SOHLH1: variants seen among roughly 807,000 people sequenced by gnomAD.
SOHLH1 encodes the protein spermatogenesis and oogenesis specific basic helix-loop-helix 1, also known as spermatogenesis- and oogenesis-specific basic helix-loop-helix-containing protein 1.
Under a neutral mutation model 36.2 loss-of-function variants are expected in SOHLH1, and 23 were observed. The ratio of observed to expected loss-of-function variants is 0.64; its 90% CI spans 0.46 to 0.90. SOHLH1 has a LOEUF of 0.90. SOHLH1 is among the 40% of genes least tolerant of loss of function. The pLI, the probability that SOHLH1 is intolerant of heterozygous loss-of-function variation, is 0.00. For synonymous variants in SOHLH1, 289 were observed against 228.3 expected (o/e 1.27, Z -2.40); for missense variants, 608 against 517.0 (o/e 1.18, Z -1.71).
upstream of SOHLH1, among the ~76,000 whole-genome samples, chr9:135,701,087 G>T (rs76204817): frequency 9.6e-3 from 1,465 of 152,368 alleles, 9 homozygotes; most frequent in Middle Eastern, 0.02. Flanking sequence ...CCGCCCAGGG[G>T]TGGTGGGACC....
intron 7 of SOHLH1, 125 bp downstream of exon 7, chr9:135,694,262 G>A (rs956684885): frequency 2.1e-5 from 33 of 1,543,806 alleles, no homozygotes; most frequent in Non-Finnish European, 2.7e-5. Context: ...CAACGGTGGA[G>A]AAAACGGGGG....
In SOHLH1 at chr9:135,696,602, C is replaced by A. The variant is rs760067910; in HGVS notation, c.661+10G>T. ...GCCAAAGGCACCCCACATGCACACC[C>A]AGGACTCACCTGAGAAAGGGGGCAG... On this transcript the variant is annotated intron_variant, in intron 5 of 7. Transcript: ENST00000425225. 1 of 1,611,856 alleles carries A rather than the reference C, an allele frequency of 6.2e-7. No individual in the cohort carries two copies. The highest frequency in any genetic ancestry group is 8.5e-7 in the Non-Finnish European group (1 of 1,179,646).
intron 2 of SOHLH1, among the ~76,000 whole-genome samples, 154 bp downstream of exon 2, chr9:135,698,841 T>C (rs1404005828): frequency 1.3e-5 from 2 of 152,186 alleles, no homozygotes; most frequent in African/African-American, 4.8e-5. Flanking sequence ...ACAGGGCTTT[T>C]CTGGTTTACT....
intron 3 of SOHLH1, 45 bp from the exon 4 acceptor site, chr9:135,697,672 C>T: frequency 1.3e-6 from 2 of 1,591,466 alleles, no homozygotes; most frequent in Non-Finnish European, 1.7e-6. Context: ...AGACAGTCAG[C>T]TGAGAAACCC....
Position 135,696,477 on chromosome 9 carries a change from G to C in SOHLH1, c.661+135C>G, listed in dbSNP as rs1256975857. The C allele has an allele frequency of 2.9e-6, 3 of 1,038,046 alleles. No individual in the cohort carries two copies. In the African/African-American group the frequency reaches 4.9e-5, roughly 17 times the overall value. The allele number at this position is 1,038,046 out of a possible 1,614,324, so 64.3% of individuals were successfully genotyped here. ...ATCAAGCTCATCCCTCAACACGTGG[G>C]TTTCTCACCAACACAAGGGCCTGGG... is the stretch of plus-strand genomic sequence containing the variant. On this transcript the variant is annotated intron_variant, in intron 5 of 7. Transcript: ENST00000425225.
rs865909801 is a variant in SOHLH1 at position 135,693,604 on chromosome 9, G to A, written c.1157C>T (p.Ala386Val). 8 of 1,570,978 alleles carry A rather than the reference G, an allele frequency of 5.1e-6. No homozygotes were observed. Among genetic ancestry groups the A allele is most frequent in the South Asian group, 4.7e-5 (4 of 85,388 alleles). Reference protein sequence around the residue: ...EVESIFPDFFAC With the variant: ...EVESIFPDFFVC Reference sequence around the variant, plus strand: ...CTCTCCACAGCCTGGCTGCTAGCAGGCAAAGAAGTCAGGGAAGATGCTCTC... The same window carrying A: ...CTCTCCACAGCCTGGCTGCTAGCAGACAAAGAAGTCAGGGAAGATGCTCTC... Residue 386 changes from alanine (A) to valine (V), a missense_variant, in exon 8 of 8, where the codon GCC becomes GTC. Coordinates refer to ENST00000425225, the MANE Select transcript of SOHLH1 (RefSeq NM_001101677.2).
intron 3 of SOHLH1, among the ~76,000 whole-genome samples, 166 bp from the exon 4 acceptor site, chr9:135,697,793 AC>A (rs906588664): frequency 1.3e-5 from 2 of 151,936 alleles, no homozygotes; most frequent in East Asian, 1.9e-4. Context: ...CTGAGGTTCC[AC>A]CCCCGAAAGG....
At position 135,696,625 on chromosome 9, in the gene SOHLH1, C is replaced by A; in HGVS notation, c.648G>T (p.Leu216=). ...LLGLCQVRGG[L]PPFSEPSSLV... The stretch of plus-strand genomic sequence containing the variant: ...CCCAGGACTCACCTGAGAAAGGGGG[C>A]AGCCCACCCCGCACCTGGCACAGCC... Residue 216 remains leucine (L), a synonymous_variant, in exon 5 of 8, where the codon CTG becomes CTT. Coordinates refer to ENST00000425225, the MANE Select transcript of SOHLH1 (RefSeq NM_001101677.2). 6.2e-7 allele frequency: 1 copy of A among 1,612,362 alleles called. No individual in the cohort carries two copies. Among genetic ancestry groups the A allele is most frequent in the Non-Finnish European group, 8.5e-7 (1 of 1,179,702 alleles).
At chr9:135,702,098 G>A (rs1385584112), upstream of SOHLH1, 3 of 588,198 alleles carry the variant, frequency 5.1e-6, no homozygotes, top group Admixed American at 7.4e-5. Flanking sequence ...CGGCCGGCAG[G>A]GGGCGCGCGC....
intron 4 of SOHLH1, 116 bp from the exon 5 acceptor site, chr9:135,696,921 A>G (rs1834827234): frequency 1.7e-6 from 2 of 1,175,732 alleles, no homozygotes; most frequent in Admixed American, 2.0e-5. Context: ...CCCAGGCACC[A>G]CCCAGCATCA....
chr9:135,693,538 G>A lies in SOHLH1; in HGVS notation c.*59C>T, dbSNP rs1301253723. On this transcript the variant is annotated 3_prime_UTR_variant, in exon 8 of 8. Transcript: ENST00000425225. ...AAATAAAATGCCCAAGCACGCGACA[G>A]GGACACACACGGCTCCAGATCCACC... 2 of 1,506,864 alleles carry A rather than the reference G, an allele frequency of 1.3e-6. No individual in the cohort carries two copies. Among genetic ancestry groups the A allele is most frequent in the Admixed American group, 2.1e-5 (1 of 46,844 alleles). The allele number at this position is 1,506,864 out of a possible 1,614,324, so 93.3% of individuals were successfully genotyped here.
chr9:135,698,902 C>T (rs1352556816), intron 2 of SOHLH1, 93 bp downstream of exon 2: 192 of 1,580,024 alleles, frequency 1.2e-4, no homozygotes, highest in Non-Finnish European at 1.6e-4. Context: ...GAGCCCCTCC[C>T]AGCTGCCTGA....
upstream of SOHLH1, chr9:135,699,511 G>C (rs1834959319): frequency 6.3e-7 from 1 of 1,591,264 alleles, no homozygotes; most frequent in East Asian, 2.3e-5. Flanking sequence ...GGCCCCTTCC[G>C]CAGGCAGCCC....
intron 1 of SOHLH1, 56 bp from the exon 2 acceptor site, chr9:135,699,182 AGTCCCAGATGC>A: frequency 6.4e-7 from 1 of 1,551,420 alleles, no homozygotes; most frequent in East Asian, 2.4e-5. Flanking sequence ...GGCCACCAGG[AGTCCCAGATGC>A]CAGAATGGGC....
Position 135,693,792 on chromosome 9 carries a change from GCCT to G in SOHLH1, c.966_968del (p.Gly323del), listed in dbSNP as rs771276728. ...CAGCTGGGGCCCATGCAGGGCCACT[GCCT>G]CCTCGACCCTCCAGAGACCCTGGAA... On this transcript the variant is annotated inframe_deletion, in exon 8 of 8. Transcript: ENST00000425225. The G allele has an allele frequency of 8.2e-6, 13 of 1,578,176 alleles. No homozygotes were observed. Among genetic ancestry groups the G allele is most frequent in the East Asian group, 4.7e-5 (2 of 42,558 alleles).
At chr9:135,694,130 G>A (rs1377120457) in intron 7 of SOHLH1, 5 of 1,432,532 alleles carry the variant, frequency 3.5e-6, no homozygotes, top group South Asian at 1.5e-5. Context: ...AGGGTCAAGG[G>A]GAAGAATACA....
chr9:135,693,688 G>C lies in SOHLH1; in HGVS notation c.1073C>G (p.Pro358Arg), dbSNP rs772895230. Reference sequence around the variant, plus strand: ...CACATCCAGGCCCCACGGCTCCAGAGGGCTGTCCTGGAGCTCCTGGGAGCC... The same window carrying C: ...CACATCCAGGCCCCACGGCTCCAGACGGCTGTCCTGGAGCTCCTGGGAGCC... ...ELGSQELQDS[P>R]LEPWGLDVDC... Residue 358 changes from proline (P) to arginine (R), a missense_variant, in exon 8 of 8, where the codon CCT (proline) becomes CGT (arginine). By Grantham distance (103) the Pro-to-Arg change is moderately radical (BLOSUM62 -2). Coordinates refer to ENST00000425225, the MANE Select transcript of SOHLH1 (RefSeq NM_001101677.2). 5 of 1,579,328 alleles carry C rather than the reference G, an allele frequency of 3.2e-6. No individual in the cohort carries two copies. The African/African-American group carries it at 5.4e-5, about 17-fold the overall frequency.
At position 135,693,736 on chromosome 9, in the gene SOHLH1, C is replaced by A; in HGVS notation, c.1025G>T (p.Gly342Val). 1 of 1,575,182 alleles carries A rather than the reference C, an allele frequency of 6.3e-7. No individual in the cohort carries two copies. The highest frequency in any genetic ancestry group is 8.6e-7 in the Non-Finnish European group (1 of 1,161,300). The change falls in exon 8 of 8, where the codon GGC becomes GTC. Residue 342 changes from glycine (G) to valine (V), a missense_variant. Physicochemically the swap from Gly to Val is moderately radical, Grantham distance 109 (BLOSUM62 -3). Coordinates refer to ENST00000425225, the MANE Select transcript of SOHLH1 (RefSeq NM_001101677.2). ...GCCAAGCTCAGGGTCCCCTAGGAAG[C>A]CTGGCTCTCCAACATCCAGTGGACT... ...ESSPLDVGEP[G>V]FLGDPELGSQ... is the part of the protein sequence containing the mutation.
chr9:135,695,211 C>T lies in SOHLH1; in HGVS notation c.714G>A (p.Val238=). 6.2e-7 allele frequency: 1 copy of T among 1,605,702 alleles called. No homozygotes were observed. Among genetic ancestry groups the T allele is most frequent in the Non-Finnish European group, 8.5e-7 (1 of 1,177,738 alleles). ...WPPGRSLPKA[V]RPPLSWPPFS... is the part of the protein sequence containing the mutation. ...ACGGAGGCCAGGACAGGGGTGGCCTCACAGCCTTAGGAAGACTCCGGCCTG... is the reference window on the plus strand; with the variant it reads ...ACGGAGGCCAGGACAGGGGTGGCCTTACAGCCTTAGGAAGACTCCGGCCTG... The change falls in exon 6 of 8, where the codon GTG becomes GTA. Residue 238 remains valine (V), a synonymous_variant. Coordinates refer to ENST00000425225, the MANE Select transcript of SOHLH1 (RefSeq NM_001101677.2).
Sources: gnomAD v4.1 joint callset for allele counts (sites outside exome capture counted in the v4.1 genomes callset) on GRCh38, gnomAD v4.1.1 for gene constraint, MANE v1.5 for transcripts, NCBI Gene and HGNC (gene_info 2026-07-23, HGNC 2026-07-21) for gene names.